IQCK: variants seen among roughly 807,000 people sequenced by gnomAD.
IQCK encodes IQ motif containing K.
IQCK carries 29 observed loss-of-function variants against 28.1 expected under a neutral mutation model. That is an observed-to-expected ratio of 1.03 (90% CI 0.77 to 1.41). IQCK has a LOEUF of 1.41. Among genes scored for constraint, IQCK ranks in the 40% most tolerant of loss-of-function variants. The probability of loss-of-function intolerance (pLI) is 0.00; values close to 1 mark genes in which losing one functional copy is unlikely to be tolerated. For synonymous variants in IQCK, 113 were observed against 115.1 expected, an observed-to-expected ratio of 0.98 and a Z score of 0.12; for missense variants, 359 against 314.7, an observed-to-expected ratio of 1.14 and a Z score of -1.07.
intron 4 of IQCK, among the ~76,000 whole-genome samples, chr16:19,749,843 A>G (rs1032429991): frequency 6.6e-6 from 1 of 152,122 alleles, no homozygotes. Flanking sequence ...ATATTTTTAT[A>G]GTCATAGCTG....
intron 7 of IQCK, among the ~76,000 whole-genome samples, chr16:19,826,323 A>G (rs562971297): frequency 6.6e-5 from 10 of 152,226 alleles, no homozygotes; most frequent in Admixed American, 3.9e-4. Context: ...TTTTTTTAAT[A>G]TTAATTACAT....
intron 6 of IQCK, chr16:19,766,055 A>G (rs1326563383): frequency 3.3e-5 from 5 of 152,246 alleles, no homozygotes; most frequent in Admixed American, 3.3e-4. Context: ...GCTGCACTCC[A>G]CAGGAACAGA....
intron 9 of IQCK, among the ~76,000 whole-genome samples, chr16:19,850,480 G>A (rs747888228): frequency 6.6e-6 from 1 of 152,154 alleles, no homozygotes; most frequent in Non-Finnish European, 1.5e-5. Flanking sequence ...TTGAGTAAAA[G>A]ATGAACATTT....
intron 6 of IQCK, among the ~76,000 whole-genome samples, chr16:19,764,988 C>T (rs1486237885): frequency 1.4e-5 from 2 of 142,480 alleles, no homozygotes; most frequent in African/African-American, 2.5e-5. Flanking sequence ...CGTGAGCCAC[C>T]GTGCCCGGCG....
At chr16:19,775,796 G>GGGGAGGCAGGGATACGTAAA (rs1404646772) in intron 6 of IQCK, among the ~76,000 whole-genome samples, 2 of 150,010 alleles carry the variant, frequency 1.3e-5, no homozygotes, top group South Asian at 4.3e-4. Context: ...GCCAGTTGCG[G>GGGGAGGCAGGGATACGTAAA]GGGAGGCAGG....
At chr16:19,726,389 A>G (rs1343049223) in intron 1 of IQCK, among the ~76,000 whole-genome samples, 1 of 152,226 alleles carries the variant, frequency 6.6e-6, no homozygotes, top group African/African-American at 2.4e-5. Context: ...GTGACTGTAA[A>G]CTTTTTGGAG....
intron 6 of IQCK, among the ~76,000 whole-genome samples, chr16:19,770,134 A>G (rs2055299539): frequency 1.3e-5 from 2 of 152,216 alleles, no homozygotes. Flanking sequence ...TTTGGGAATC[A>G]AGAGCCCCAC....
chr16:19,764,365 A>G (rs2055196882), intron 6 of IQCK: 1 of 345,744 alleles, frequency 2.9e-6, no homozygotes, highest in South Asian at 7.2e-5. Context: ...TAAGTAATTT[A>G]TCCCTCCATT....
At chr16:19,746,619 A>G (rs985629414) in intron 4 of IQCK, among the ~76,000 whole-genome samples, 3 of 152,258 alleles carry the variant, frequency 2.0e-5, no homozygotes, top group Non-Finnish European at 4.4e-5. Context: ...ACAAAAGAGC[A>G]TTGATCACTT....
intron 7 of IQCK, among the ~76,000 whole-genome samples, chr16:19,814,044 C>G (rs1420615381): frequency 6.6e-6 from 1 of 151,646 alleles, no homozygotes. Flanking sequence ...GTGGTGAAAC[C>G]CTGTCTCTAC....
intron 2 of IQCK, among the ~76,000 whole-genome samples, chr16:19,733,278 C>T (rs1254805643): frequency 6.6e-6 from 1 of 152,072 alleles, no homozygotes; most frequent in African/African-American, 2.4e-5. Context: ...GCTGGGATTA[C>T]AGGCGCCCGC....
At chr16:19,734,854 G>T (rs1007050374) in intron 3 of IQCK, among the ~76,000 whole-genome samples, 1 of 152,032 alleles carries the variant, frequency 6.6e-6, no homozygotes, top group East Asian at 1.9e-4. Context: ...GGAAGCAGGG[G>T]TGTATACTGC....
At chr16:19,835,854 G>A (rs1275816722) in intron 9 of IQCK, among the ~76,000 whole-genome samples, 1 of 152,122 alleles carries the variant, frequency 6.6e-6, no homozygotes, top group Non-Finnish European at 1.5e-5. Flanking sequence ...TAAAGTGCTG[G>A]AATTACAGGC....
chr16:19,759,940 C>G (rs1691480125), intron 4 of IQCK, among the ~76,000 whole-genome samples: 1 of 151,824 alleles, frequency 6.6e-6, no homozygotes, highest in Admixed American at 6.6e-5. Context: ...GCCTGGGCAA[C>G]AGAGTGAGAC....
chr16:19,725,675 A>G (rs1341547990), intron 1 of IQCK, among the ~76,000 whole-genome samples: 2 of 152,228 alleles, frequency 1.3e-5, no homozygotes, highest in Admixed American at 1.3e-4. Flanking sequence ...TAAAAGCATC[A>G]GTCTGTAATC....
chr16:19,831,835 G>T (rs1038864303), downstream of IQCK, among the ~76,000 whole-genome samples: 1 of 152,098 alleles, frequency 6.6e-6, no homozygotes, highest in African/African-American at 2.4e-5. Context: ...CACATCAGCT[G>T]TCGGGGTGGA....
chr16:19,799,595 T>TACACACACACACAC (rs1294252121), intron 7 of IQCK, among the ~76,000 whole-genome samples: 1 of 112,254 alleles, frequency 8.9e-6, no homozygotes, highest in African/African-American at 5.1e-5. Flanking sequence ...TATATATATA[T>TACACACACACACAC]ATACACACAC....
intron 7 of IQCK, among the ~76,000 whole-genome samples, chr16:19,824,650 G>A (rs1240455789): frequency 6.6e-6 from 1 of 152,200 alleles, no homozygotes; most frequent in Non-Finnish European, 1.5e-5. Flanking sequence ...TATCTTTCAA[G>A]ATAAAGTTGA....
In IQCK at chr16:19,744,048, G is replaced by C. The variant is rs187024111; in HGVS notation, c.474+8598G>C. 4.0e-3 allele frequency among the ~76,000 whole-genome samples: 616 copies of C among 152,242 alleles called. 3 individuals carry two copies. The highest frequency in any genetic ancestry group is 0.014 in the African/African-American group (566 of 41,532). ...TGAATTCAGGCATTGTGTGGTACAT[G>C]GTTCAGCAATTCCATGATTCCAGCC... On this transcript the variant is annotated intron_variant, in intron 4 of 7. Transcript: ENST00000564186.
Sources: gnomAD v4.1 joint callset for allele counts (sites outside exome capture counted in the v4.1 genomes callset) on GRCh38, gnomAD v4.1.1 for gene constraint, MANE v1.5 for transcripts, NCBI Gene and HGNC (gene_info 2026-07-23, HGNC 2026-07-21) for gene names.